Variants in GRIN2A observed in about 807,000 individuals in gnomAD.
The protein encoded by GRIN2A is glutamate ionotropic receptor NMDA type subunit 2A.
GRIN2A carries 22 observed loss-of-function variants against 113.4 expected under a neutral mutation model. That is an observed-to-expected ratio of 0.19 (90% CI 0.14 to 0.28). The LOEUF (loss-of-function observed/expected upper bound fraction) is 0.28, where lower values mean the gene tolerates loss of function less well. GRIN2A is among the 10% of genes least tolerant of loss of function. The probability of loss-of-function intolerance (pLI) is 1.00; values close to 1 mark genes in which losing one functional copy is unlikely to be tolerated. For synonymous variants in GRIN2A, 827 were observed against 738.4 expected, an observed-to-expected ratio of 1.12 and a Z score of -1.94; for missense variants, 1,502 against 1,887.0, an observed-to-expected ratio of 0.80 and a Z score of 3.78.
intron 2 of GRIN2A, among the ~76,000 whole-genome samples, chr16:10,062,071 C>T (rs2047559308): frequency 6.6e-6 from 1 of 152,148 alleles, no homozygotes; most frequent in Non-Finnish European, 1.5e-5. Context: ...ACCAAAGTCA[C>T]ATAAAAAATG....
chr16:10,016,428 A>G (rs2315514), intron 2 of GRIN2A, among the ~76,000 whole-genome samples: 5,319 of 152,094 alleles, frequency 0.035, 137 homozygotes, highest in South Asian at 0.075. Flanking sequence ...GAAAAGAAGG[A>G]CTATTGCCCC....
At chr16:9,932,576 T>A (rs1247572259) in intron 3 of GRIN2A, among the ~76,000 whole-genome samples, 1 of 151,050 alleles carries the variant, frequency 6.6e-6, no homozygotes, top group Non-Finnish European at 1.5e-5. Context: ...AGAGATAGGG[T>A]TTTACCATGT....
intron 2 of GRIN2A, among the ~76,000 whole-genome samples, chr16:10,143,401 T>C (rs886422893): frequency 6.6e-6 from 1 of 152,142 alleles, no homozygotes; most frequent in Non-Finnish European, 1.5e-5. Flanking sequence ...AAAATATAAA[T>C]AGCATATCTG....
At chr16:9,860,341 G>C (rs747519331) in intron 4 of GRIN2A, among the ~76,000 whole-genome samples, 6 of 150,436 alleles carry the variant, frequency 4.0e-5, no homozygotes, top group Non-Finnish European at 7.4e-5. Flanking sequence ...CCAGCTACTC[G>C]GGAAGTTGAG....
chr16:9,888,725 T>G (rs958779915), intron 4 of GRIN2A, among the ~76,000 whole-genome samples: 2 of 151,936 alleles, frequency 1.3e-5, no homozygotes, highest in African/African-American at 4.8e-5. Flanking sequence ...TATGCGTATG[T>G]GCATATAATA....
In GRIN2A at chr16:9,764,547, G is replaced by A. The variant is rs144706004; in HGVS notation, c.2997C>T (p.Ala999=). 2.4e-5 allele frequency: 39 copies of A among 1,613,766 alleles called. No individual in the cohort carries two copies. Among genetic ancestry groups the A allele is most frequent in the Middle Eastern group, 3.3e-4 (2 of 6,084 alleles). Residue 999 remains alanine (A), a synonymous_variant, in exon 13 of 13, where the codon GCC becomes GCT. Transcript: ENST00000330684. The part of the protein sequence containing the change: ...NESNPNTVEV[A]VSTESKANSR... Reference sequence around the variant, plus strand: ...AGTTCGCTTTGGATTCTGTGCTCACGGCCACCTCCACCGTGTTAGGGTTGG... The same window carrying A: ...AGTTCGCTTTGGATTCTGTGCTCACAGCCACCTCCACCGTGTTAGGGTTGG...
chr16:9,947,090 T>C (rs2045037446), intron 2 of GRIN2A, among the ~76,000 whole-genome samples: 1 of 152,220 alleles, frequency 6.6e-6, no homozygotes, highest in Non-Finnish European at 1.5e-5. Flanking sequence ...ATCAGAATAA[T>C]TCAAACTACA....
At chr16:9,791,813 C>G (rs1317789102) in intron 11 of GRIN2A, among the ~76,000 whole-genome samples, 1 of 152,040 alleles carries the variant, frequency 6.6e-6, no homozygotes, top group Non-Finnish European at 1.5e-5. Flanking sequence ...AAAAAAAGGA[C>G]TCAGGATGCC....
At chr16:10,045,609 G>A (rs552045402) in intron 2 of GRIN2A, among the ~76,000 whole-genome samples, 17 of 152,204 alleles carry the variant, frequency 1.1e-4, no homozygotes, top group Non-Finnish European at 2.5e-4. Flanking sequence ...ATGCCAGACT[G>A]GGTCAGACCA....
chr16:10,024,907 A>G (rs1567241340), intron 2 of GRIN2A, among the ~76,000 whole-genome samples: 1 of 152,220 alleles, frequency 6.6e-6, no homozygotes, highest in South Asian at 2.1e-4. Context: ...AATAAGCACT[A>G]AATTCAAAAC....
At chr16:9,856,707 C>A (rs1007759389) in intron 4 of GRIN2A, among the ~76,000 whole-genome samples, 4 of 150,894 alleles carry the variant, frequency 2.7e-5, no homozygotes, top group Non-Finnish European at 5.9e-5. Flanking sequence ...TTAATAATTT[C>A]TGTAATCCTA....
intron 3 of GRIN2A, among the ~76,000 whole-genome samples, chr16:9,896,384 C>T (rs975749358): frequency 7.9e-5 from 12 of 152,180 alleles, no homozygotes; most frequent in Admixed American, 3.9e-4. Flanking sequence ...AGGTAGCATA[C>T]GCAGTTGAGC....
At chr16:10,073,730 C>A (rs61128056) in intron 2 of GRIN2A, among the ~76,000 whole-genome samples, 6,453 of 150,464 alleles carry the variant, frequency 0.043, 487 homozygotes, top group African/African-American at 0.15. Flanking sequence ...ATGGTGAAAC[C>A]GCATCTCTAC....
At chr16:10,099,698 C>T (rs1012692919) in intron 2 of GRIN2A, among the ~76,000 whole-genome samples, 1 of 152,322 alleles carries the variant, frequency 6.6e-6, no homozygotes, top group Non-Finnish European at 1.5e-5. Context: ...AGGTAACTCA[C>T]TTCAAAGGCT....
At chr16:9,846,935 G>A (rs1282326115) in intron 5 of GRIN2A, among the ~76,000 whole-genome samples, 1 of 152,204 alleles carries the variant, frequency 6.6e-6, no homozygotes, top group East Asian at 1.9e-4. Context: ...TGGCCATGGA[G>A]GTTTCTGTGT....
intron 11 of GRIN2A, among the ~76,000 whole-genome samples, chr16:9,778,928 C>T (rs1901775156): frequency 6.6e-6 from 1 of 152,194 alleles, no homozygotes; most frequent in South Asian, 2.1e-4. Flanking sequence ...ATTCAATACA[C>T]CACCATATAG....
chr16:9,988,891 G>C (rs574580052), intron 2 of GRIN2A, among the ~76,000 whole-genome samples: 2 of 152,220 alleles, frequency 1.3e-5, no homozygotes, highest in South Asian at 2.1e-4. Context: ...CCAGACAGGA[G>C]GAGGGTCCTA....
At position 9,761,639 on chromosome 16, in the gene GRIN2A, G is replaced by A. The variant is rs140491007; in HGVS notation, c.*1510C>T. ...GTCATAACATAGCAACTATCTTGTC[G>A]GGGGCACTTGTTTTTGTGGCAGGCA... On this transcript the variant is annotated 3_prime_UTR_variant, in exon 13 of 13. Transcript: ENST00000330684. The A allele has an allele frequency of 3.9e-5, 9 of 228,642 alleles. No individual in the cohort carries two copies. The highest frequency in any genetic ancestry group is 1.1e-4 in the Admixed American group (2 of 17,600). 14.2% of individuals were successfully genotyped at this position (228,642 alleles called of 1,614,324 possible). A position where few individuals can be genotyped will look rare whatever the true frequency, so the allele number is the denominator to read the frequency against.
At chr16:10,105,060 G>T (rs371502446) in intron 2 of GRIN2A, among the ~76,000 whole-genome samples, 2 of 152,186 alleles carry the variant, frequency 1.3e-5, no homozygotes, top group African/African-American at 4.8e-5. Flanking sequence ...TTAAAGCAGT[G>T]CCACTCTGGG....
Sources: gnomAD v4.1 joint callset for allele counts (sites outside exome capture counted in the v4.1 genomes callset) on GRCh38, gnomAD v4.1.1 for gene constraint, MANE v1.5 for transcripts, NCBI Gene and HGNC (gene_info 2026-07-23, HGNC 2026-07-21) for gene names.